KLC3: variants seen among roughly 807,000 people sequenced by gnomAD.
KLC3 encodes the protein kinesin light chain 2.
KLC3 carries 72 observed loss-of-function variants against 62.9 expected under a neutral mutation model. The ratio of observed to expected loss-of-function variants is 1.15; its 90% CI spans 0.95 to 1.39. The LOEUF is 1.39. KLC3 is among the 40% of genes most tolerant of loss of function. The probability of loss-of-function intolerance (pLI) is 0.00; values close to 1 mark genes in which losing one functional copy is unlikely to be tolerated. For synonymous variants in KLC3, 377 were observed against 300.5 expected, an observed-to-expected ratio of 1.25 and a Z score of -2.63; for missense variants, 848 against 691.6, an observed-to-expected ratio of 1.23 and a Z score of -2.54.
In KLC3 at chr19:45,345,706, G is replaced by T; in HGVS notation, c.165G>T (p.Gln55His). ...AGHLAEALAG[Q>H]GPAAGLEMLE... ...ACCTGGCGGAGGCCCTGGCGGGACA[G>T]GGCCCGGCAGCCGGCTTGGAGATGC... is the stretch of plus-strand genomic sequence containing the variant. The change falls in exon 2 of 13, where the codon CAG (glutamine) becomes CAT (histidine). Residue 55 changes from glutamine (Q) to histidine (H), a missense_variant. By Grantham distance (24) the Gln-to-His change is conservative (BLOSUM62 0). Coordinates refer to ENST00000391946, the MANE Select transcript of KLC3 (RefSeq NM_177417.3). The T allele has an allele frequency of 6.4e-7, 1 of 1,567,336 alleles. No individual in the cohort carries two copies. Among genetic ancestry groups the T allele is most frequent in the Non-Finnish European group, 8.6e-7 (1 of 1,157,210 alleles).
At chr19:45,347,166 A>C in intron 3 of KLC3, 1 of 443,894 alleles carries the variant, frequency 2.3e-6, no homozygotes, top group Non-Finnish European at 4.0e-6. Context: ...AACATGGAGA[A>C]ACCCCGTCTC....
At chr19:45,348,232 T>C (rs1257138866) in intron 5 of KLC3, 72 bp downstream of exon 5, 7 of 1,359,292 alleles carry the variant, frequency 5.1e-6, no homozygotes, top group Non-Finnish European at 6.1e-6. Context: ...GGAAGGATCC[T>C]GGTGCCCCCT....
rs1479168335 is a variant in KLC3 at position 45,350,395 on chromosome 19, G to A, written c.1198G>A (p.Glu400Lys). The A allele has an allele frequency of 6.2e-7, 1 of 1,613,508 alleles. No individual in the cohort carries two copies. Among genetic ancestry groups the A allele is most frequent in the East Asian group, 2.2e-5 (1 of 44,846 alleles). The change falls in exon 9 of 13, where the codon GAA becomes AAA. Residue 400 changes from glutamate to lysine, a missense_variant. Physicochemically the swap from Glu to Lys is moderately conservative, Grantham distance 56. Transcript: ENST00000391946. ...KYQQAEELYK[E>K]ILHKEDLPAP... is the part of the protein sequence containing the mutation. ...TCAACAAGCGGAAGAGCTGTACAAA[G>A]AAATCCTCCACAAGGAGGACCTACC...
At chr19:45,346,199 G>A (rs1305502525) in intron 2 of KLC3, among the ~76,000 whole-genome samples, 2 of 152,006 alleles carry the variant, frequency 1.3e-5, no homozygotes, top group East Asian at 1.9e-4. Flanking sequence ...AGGCACATCC[G>A]GGGCAGGGGG....
intron 12 of KLC3, 70 bp from the exon 13 acceptor site, chr19:45,351,216 T>G: frequency 6.3e-7 from 1 of 1,589,858 alleles, no homozygotes; most frequent in Non-Finnish European, 8.6e-7. Flanking sequence ...AGGCTGGACC[T>G]GGAGCTGGAG....
chr19:45,348,545 C>G (rs1057415654), intron 5 of KLC3, 101 bp from the exon 6 acceptor site: 2 of 1,171,182 alleles, frequency 1.7e-6, no homozygotes, highest in Non-Finnish European at 1.2e-6. Flanking sequence ...ATGCTTGGTT[C>G]AGCCAGGTTC....
chr19:45,347,063 C>T lies in KLC3; in HGVS notation c.489+289C>T, dbSNP rs542341752. On this transcript the variant is annotated intron_variant, in intron 3 of 12. Transcript: ENST00000391946. ...CACCTCCCTCAAACCTTGAGATAGG[C>T]TGGGTGCGGTGGCTCACGCCTGTAA... 790 of 460,324 alleles carry T rather than the reference C, an allele frequency of 1.7e-3. 7 individuals are homozygous for T. Among genetic ancestry groups the T allele is most frequent in the South Asian group, 2.5e-3 (83 of 32,678 alleles). The allele number at this position is 460,324 out of a possible 1,614,324, so 28.5% of individuals were successfully genotyped here.
At chr19:45,341,578 T>TGTGTGTGTGTGTGTGTGTGCGCGCGC in intron 1 of KLC3, among the ~76,000 whole-genome samples, 8 of 139,800 alleles carry the variant, frequency 5.7e-5, no homozygotes, top group African/African-American at 2.1e-4. Flanking sequence ...TGTGTGTGTG[T>TGTGTGTGTGTGTGTGTGTGCGCGCGC]GCGCGCGCGC....
intron 12 of KLC3, 56 bp downstream of exon 12, chr19:45,351,073 T>C: frequency 6.2e-7 from 1 of 1,613,502 alleles, no homozygotes; most frequent in South Asian, 1.1e-5. Context: ...GGTGCAGAGA[T>C]GAGGCAAAGG....
chr19:45,346,751 TACGACCC>T lies in KLC3; in HGVS notation c.469_475del (p.Asp157ArgfsTer56). The T allele has an allele frequency of 6.3e-7, 1 of 1,585,912 alleles. No homozygotes were observed. The highest frequency in any genetic ancestry group is 8.6e-7 in the Non-Finnish European group (1 of 1,167,012). ...GGAGTTCCTGGGGCAGCTGCGACAGTACGACCCACCGGCGGAGAGCCAGGTGCCACGG... is the reference window on the plus strand; with the variant it reads ...GGAGTTCCTGGGGCAGCTGCGACAGTACCGGCGGAGAGCCAGGTGCCACGG... On this transcript the variant is annotated frameshift_variant, in exon 3 of 13. Transcript: ENST00000391946. LOFTEE classifies it high-confidence loss of function.
rs1599713005 is a variant in KLC3 at position 45,349,500 on chromosome 19, C to T, written c.1041C>T (p.Gly347=). The part of the protein sequence containing the change: ...NNLALLCQNQ[G]KFEDVERHYA... ...TGGCCCTGCTGTGCCAGAACCAGGG[C>T]AAGTTTGAGGACGTGGAGCGGCACT... is the stretch of plus-strand genomic sequence containing the variant. The change falls in exon 8 of 13, where the codon GGC becomes GGT. Residue 347 remains glycine, a synonymous_variant. Transcript: ENST00000391946. The T allele has an allele frequency of 1.2e-6, 2 of 1,614,036 alleles. No homozygotes were observed. The highest frequency in any genetic ancestry group is 4.5e-5 in the East Asian group (2 of 44,882).
In KLC3 at chr19:45,350,975, C is replaced by G. The variant is rs866260593; in HGVS notation, c.1401C>G (p.Leu467=). Residue 467 remains leucine (L), a synonymous_variant, in exon 12 of 13, where the codon CTC becomes CTG. Transcript: ENST00000391946. ...GAAGMKRAMS[L]NTLNVDAPRA... ...GCAGAATGAAGAGAGCCATGTCACT[C>G]AACACACTGAACGTGGATGCTCCAA... 2.5e-5 allele frequency: 40 copies of G among 1,614,092 alleles called. 1 individual carries two copies. The Middle Eastern group carries it at 5.1e-3, about 206-fold the overall frequency.
chr19:45,350,923 A>G (rs941273879), intron 11 of KLC3, 31 bp from the exon 12 acceptor site: 4 of 1,609,040 alleles, frequency 2.5e-6, no homozygotes, highest in South Asian at 1.1e-5. Flanking sequence ...TCCTGGATTC[A>G]CTCATTTCCT....
At position 45,347,975 on chromosome 19, in the gene KLC3, G is replaced by T. The variant is rs180782823; in HGVS notation, c.594G>T (p.Gln198His). The T allele has an allele frequency of 2.0e-4, 319 of 1,609,094 alleles. 1 individual carries two copies. The African/African-American group carries it at 3.9e-3, about 20-fold the overall frequency. ...CCGCAGGAGCAGCAGCTGCTCAGCA[G>T]GGTGGCTATGAGATCCCTGCCCGCC... ...PEAAGAAAAQ[Q>H]GGYEIPARLR... Residue 198 changes from glutamine (Q) to histidine (H), a missense_variant, in exon 5 of 13, where the codon CAG becomes CAT. Physicochemically the swap from Gln to His is conservative, Grantham distance 24. Transcript: ENST00000391946.
chr19:45,344,812 AC>A (rs1971455618), intron 1 of KLC3: 1 of 152,610 alleles, frequency 6.6e-6, no homozygotes, highest in Admixed American at 6.5e-5. Context: ...TACCTGGACC[AC>A]ACCTATCACA....
intron 1 of KLC3, among the ~76,000 whole-genome samples, chr19:45,343,509 A>G (rs1415302929): frequency 6.6e-6 from 1 of 151,748 alleles, no homozygotes. Context: ...CTAATTTTGT[A>G]TTTTTAGTAG....
chr19:45,344,154 AGTGTGTGTGT>A (rs34947979), intron 1 of KLC3, among the ~76,000 whole-genome samples: 2 of 142,124 alleles, frequency 1.4e-5, no homozygotes, highest in South Asian at 2.3e-4. Flanking sequence ...CTAATGAGGG[AGTGTGTGTGT>A]GTGTGTGTGT....
chr19:45,347,325 A>T, intron 3 of KLC3, 122 bp from the exon 4 acceptor site: 1 of 702,894 alleles, frequency 1.4e-6, no homozygotes, highest in South Asian at 1.9e-5. Flanking sequence ...CTGTGCAACA[A>T]GCGAAACTCC....
chr19:45,342,728 T>G (rs1012926507), intron 1 of KLC3, among the ~76,000 whole-genome samples: 11 of 151,842 alleles, frequency 7.2e-5, no homozygotes, highest in African/African-American at 2.7e-4. Context: ...CATCATGCCA[T>G]TGCACTCCAG....
Sources: allele counts gnomAD v4.1 joint callset (sites outside exome capture counted in the v4.1 genomes callset), GRCh38; gene constraint gnomAD v4.1.1; transcripts MANE v1.5; gene names NCBI Gene and HGNC (gene_info 2026-07-23, HGNC 2026-07-21).